The following LRIF1 variants were observed in gnomAD, a reference collection of about 807,000 sequenced individuals.
LRIF1 encodes ligand-dependent nuclear receptor-interacting factor 1.
Under a neutral mutation model 52.7 loss-of-function variants are expected in LRIF1, and 32 were observed. That is an observed-to-expected ratio of 0.61 (90% CI 0.46 to 0.82). The LOEUF is 0.82. Ranked by LOEUF, LRIF1 falls within the 40% of genes least tolerant of loss-of-function variation. The probability of loss-of-function intolerance (pLI) is 0.00; values close to 1 mark genes in which losing one functional copy is unlikely to be tolerated. For synonymous variants in LRIF1, 323 were observed against 317.4 expected (o/e 1.02, Z -0.19); for missense variants, 887 against 892.0 (o/e 0.99, Z 0.07).
At chr1:110,959,492 T>C (rs2796061) in intron 1 of LRIF1, among the ~76,000 whole-genome samples, 149,717 of 152,194 alleles carry the variant, frequency 0.98, 73,673 homozygotes, top group Middle Eastern at 1. Context: ...TGGCTCATGC[T>C]TGTAATCCCA....
the LRIF1 span, among the ~76,000 whole-genome samples, chr1:110,916,197 A>C: frequency 3.9e-5 from 6 of 152,204 alleles, no homozygotes; most frequent in Non-Finnish European, 8.8e-5. Context: ...TGGTAAAATG[A>C]TAAATATATA....
chr1:110,937,692 A>G, the LRIF1 span: 1 of 152,104 alleles, frequency 6.6e-6, no homozygotes, highest in Non-Finnish European at 1.5e-5. Flanking sequence ...AGCAAACCTC[A>G]CCCAAAATTA....
chr1:110,908,604 G>A, the LRIF1 span, among the ~76,000 whole-genome samples: 1 of 152,080 alleles, frequency 6.6e-6, no homozygotes, highest in African/African-American at 2.4e-5. Flanking sequence ...GTAATTGGAA[G>A]CATTAATATC....
chr1:110,880,547 G>A, the LRIF1 span, among the ~76,000 whole-genome samples: 1 of 152,150 alleles, frequency 6.6e-6, no homozygotes, highest in African/African-American at 2.4e-5. Flanking sequence ...TGGGGCTGAT[G>A]TGACTCTAGG....
In LRIF1 at chr1:110,959,382, A is replaced by G. The variant is rs187327107; in HGVS notation, c.68+4239T>C. ...GTAAATGAAATAACTGCCTGGGAGC[A>G]TAACAGTTATCATCTTCCATTAAAA... On this transcript the variant is annotated intron_variant, in intron 1 of 3. Transcript: ENST00000369763. 8.8e-4 allele frequency among the ~76,000 whole-genome samples: 134 copies of G among 152,344 alleles called. 1 individual carries two copies. Among genetic ancestry groups the G allele is most frequent in the Non-Finnish European group, 1.6e-3 (112 of 68,026 alleles).
the LRIF1 span, among the ~76,000 whole-genome samples, chr1:110,883,347 C>T: frequency 0.72 from 108,622 of 151,766 alleles, 41,255 homozygotes; most frequent in Non-Finnish European, 0.84. Context: ...ATTAATATGA[C>T]TAATTAAGTA....
At chr1:110,928,479 T>TTCA in the LRIF1 span, among the ~76,000 whole-genome samples, 1 of 152,210 alleles carries the variant, frequency 6.6e-6, no homozygotes, top group Non-Finnish European at 1.5e-5. Flanking sequence ...TCAGTGGTAA[T>TTCA]TCATCAGTGA....
the LRIF1 span, among the ~76,000 whole-genome samples, chr1:110,901,140 C>G: frequency 5.6e-5 from 8 of 142,740 alleles, no homozygotes; most frequent in African/African-American, 1.8e-4. Flanking sequence ...AGGAGACATT[C>G]TCTCTCTCTG....
At chr1:110,933,280 A>C in the LRIF1 span, among the ~76,000 whole-genome samples, 2 of 152,230 alleles carry the variant, frequency 1.3e-5, no homozygotes, top group African/African-American at 4.8e-5. Context: ...GCAAGATGGC[A>C]GAATAGACGG....
intron 1 of LRIF1, among the ~76,000 whole-genome samples, chr1:110,956,498 G>C (rs1658706218): frequency 6.6e-6 from 1 of 152,212 alleles, no homozygotes; most frequent in African/African-American, 2.4e-5. Context: ...TTATTGGTCT[G>C]TAGGGCCAGA....
chr1:110,963,864 G>T lies in LRIF1; in HGVS notation c.-176C>A. 1 of 495,554 alleles carries T rather than the reference G, an allele frequency of 2.0e-6. No homozygotes were observed. Among genetic ancestry groups the T allele is most frequent in the Non-Finnish European group, 3.7e-6 (1 of 269,674 alleles). The allele number at this position is 495,554 out of a possible 1,614,324, so 30.7% of individuals were successfully genotyped here. On this transcript the variant is annotated 5_prime_UTR_variant, in exon 1 of 4. The change creates a new upstream start codon in the 5' untranslated region. Transcript: ENST00000369763. ...GGGCTCTCGAGAGGGTGTATCCCCAGGCTTCGGGACGAGGTCGCGCACCGC... is the reference window on the plus strand; with the variant it reads ...GGGCTCTCGAGAGGGTGTATCCCCATGCTTCGGGACGAGGTCGCGCACCGC...
the LRIF1 span, among the ~76,000 whole-genome samples, chr1:110,914,623 G>A: frequency 6.6e-6 from 1 of 152,038 alleles, no homozygotes; most frequent in Non-Finnish European, 1.5e-5. Context: ...TGTGGTGGCA[G>A]GCACCTGTAA....
At chr1:110,897,834 G>T in the LRIF1 span, 1 of 1,611,624 alleles carries the variant, frequency 6.2e-7, no homozygotes, top group Non-Finnish European at 8.5e-7. Context: ...GCAAGACTGT[G>T]GTTTCATTCC....
chr1:110,894,145 G>A, the LRIF1 span, among the ~76,000 whole-genome samples: 2 of 152,218 alleles, frequency 1.3e-5, no homozygotes, highest in Non-Finnish European at 1.5e-5. Flanking sequence ...CTGCCCTCTA[G>A]AGTCTAATTG....
intron 1 of LRIF1, among the ~76,000 whole-genome samples, chr1:110,957,174 T>C (rs932961553): frequency 3.3e-5 from 5 of 151,854 alleles, no homozygotes; most frequent in African/African-American, 1.2e-4. Flanking sequence ...ACTGCAACAA[T>C]TCGCCAGGTG....
chr1:110,880,154 T>C, the LRIF1 span: 1 of 152,110 alleles, frequency 6.6e-6, no homozygotes. Context: ...CCATGAGTCA[T>C]GCATCTAAGA....
downstream of LRIF1, chr1:110,943,651 TACTTCC>T (rs2101097938): frequency 6.6e-6 from 1 of 152,334 alleles, no homozygotes; most frequent in African/African-American, 2.4e-5. Context: ...CTGTTTATAC[TACTTCC>T]TAAGTACTTA....
chr1:110,955,888 G>C (rs1312467478), intron 1 of LRIF1, among the ~76,000 whole-genome samples: 5 of 152,150 alleles, frequency 3.3e-5, no homozygotes, highest in Admixed American at 3.3e-4. Flanking sequence ...GAACAAAAGG[G>C]ATACACAATG....
the LRIF1 span, among the ~76,000 whole-genome samples, chr1:110,921,609 T>TA: frequency 1.3e-5 from 2 of 152,146 alleles, no homozygotes; most frequent in Non-Finnish European, 2.9e-5. Context: ...AATAGCAATT[T>TA]AAAAAATGTT....
Sources: gnomAD v4.1 joint callset for allele counts (sites outside exome capture counted in the v4.1 genomes callset) on GRCh38, gnomAD v4.1.1 for gene constraint, MANE v1.5 for transcripts, NCBI Gene and HGNC (gene_info 2026-07-23, HGNC 2026-07-21) for gene names.